Variants in PTPRM observed in about 807,000 individuals in gnomAD.
PTPRM encodes the protein protein tyrosine phosphatase receptor type M.
A neutral mutation model predicts 186.7 loss-of-function variants in PTPRM; 47 were observed. That is an observed-to-expected ratio of 0.25 (90% CI 0.20 to 0.32). The LOEUF (loss-of-function observed/expected upper bound fraction) is 0.32. Among genes scored for constraint, PTPRM ranks in the 10% least tolerant of loss-of-function variants. The pLI, the probability that PTPRM is intolerant of heterozygous loss-of-function variation, is 1.00. For synonymous variants in PTPRM, 668 were observed against 674.9 expected (o/e 0.99, Z 0.16); for missense variants, 1,494 against 1,865.0 (o/e 0.80, Z 3.66).
intron 23 of PTPRM, among the ~76,000 whole-genome samples, chr18:8,344,586 G>T (rs1409324093): frequency 6.6e-6 from 1 of 151,676 alleles, no homozygotes; most frequent in Non-Finnish European, 1.5e-5. Context: ...ACATGCATAT[G>T]CAAATATATA....
chr18:7,664,517 G>A (rs2039052614), intron 1 of PTPRM, among the ~76,000 whole-genome samples: 1 of 152,164 alleles, frequency 6.6e-6, no homozygotes, highest in African/African-American at 2.4e-5. Context: ...AAGGCCAGTG[G>A]GCTGGTGCTG....
intron 1 of PTPRM, among the ~76,000 whole-genome samples, chr18:7,731,183 A>G (rs1323164421): frequency 2.0e-5 from 3 of 152,228 alleles, no homozygotes; most frequent in African/African-American, 4.8e-5. Flanking sequence ...CTGTTTATCA[A>G]TTTAAGATTT....
chr18:7,977,590 A>AGGGTAGGCAG (rs1200934254), intron 7 of PTPRM, among the ~76,000 whole-genome samples: 1 of 152,140 alleles, frequency 6.6e-6, no homozygotes, highest in African/African-American at 2.4e-5. Flanking sequence ...TTGAGAGCAA[A>AGGGTAGGCAG]GGGTAGGCAG....
At chr18:8,080,566 G>T (rs543683341) in intron 9 of PTPRM, among the ~76,000 whole-genome samples, 1 of 152,282 alleles carries the variant, frequency 6.6e-6, no homozygotes, top group South Asian at 2.1e-4. Flanking sequence ...AAGTAGAATG[G>T]TCTAGATTTG....
chr18:8,184,178 G>T (rs966871637), intron 14 of PTPRM, among the ~76,000 whole-genome samples: 1 of 152,108 alleles, frequency 6.6e-6, no homozygotes, highest in African/African-American at 2.4e-5. Flanking sequence ...ATTCAAGCAG[G>T]CAAGTTCATG....
chr18:7,723,970 C>T (rs1389817147), intron 1 of PTPRM, among the ~76,000 whole-genome samples: 1 of 152,124 alleles, frequency 6.6e-6, no homozygotes, highest in Non-Finnish European at 1.5e-5. Context: ...TGCCTCCAGG[C>T]CCTGCTCCCA....
At chr18:7,669,608 A>G (rs2039172608) in intron 1 of PTPRM, among the ~76,000 whole-genome samples, 3 of 152,192 alleles carry the variant, frequency 2.0e-5, no homozygotes, top group Non-Finnish European at 4.4e-5. Flanking sequence ...GATAAGGCTA[A>G]AGGCAATGAG....
At chr18:7,896,167 T>C (rs1045252646) in intron 3 of PTPRM, among the ~76,000 whole-genome samples, 1 of 152,226 alleles carries the variant, frequency 6.6e-6, no homozygotes, top group African/African-American at 2.4e-5. Context: ...GGCAGGTACC[T>C]GCCATCCTCA....
intron 1 of PTPRM, among the ~76,000 whole-genome samples, chr18:7,644,769 A>C (rs1349543581): frequency 3.3e-5 from 5 of 152,214 alleles, no homozygotes; most frequent in African/African-American, 4.8e-5. Flanking sequence ...TATGCAAGAC[A>C]AATGAGTGGG....
intron 14 of PTPRM, among the ~76,000 whole-genome samples, chr18:8,162,428 C>G (rs1003379747): frequency 5.3e-5 from 8 of 152,216 alleles, no homozygotes; most frequent in African/African-American, 1.7e-4. Context: ...ATTCTGTTTA[C>G]ATGAATGGTC....
intron 2 of PTPRM, among the ~76,000 whole-genome samples, chr18:7,847,191 G>A: frequency 7.0e-6 from 1 of 143,190 alleles, no homozygotes; most frequent in East Asian, 2.1e-4. Flanking sequence ...TTTTTTGACA[G>A]AGTATCACTT....
intron 23 of PTPRM, among the ~76,000 whole-genome samples, chr18:8,344,684 C>T (rs997919997): frequency 4.0e-5 from 6 of 151,680 alleles, no homozygotes; most frequent in African/African-American, 9.7e-5. Context: ...GGGAGTGTAG[C>T]GCTTGCATGC....
chr18:8,345,232 C>CAAGG (rs1346121775), intron 23 of PTPRM, among the ~76,000 whole-genome samples: 191 of 139,216 alleles, frequency 1.4e-3, no homozygotes, highest in African/African-American at 4.5e-3. Flanking sequence ...AGAGCAAAAC[C>CAAGG]AAAGAAAAAA....
At chr18:7,589,534 T>A (rs898187928) in intron 1 of PTPRM, among the ~76,000 whole-genome samples, 4 of 152,200 alleles carry the variant, frequency 2.6e-5, no homozygotes, top group Admixed American at 2.0e-4. Context: ...CACTTGAAAG[T>A]GTGACATCCT....
intron 31 of PTPRM, among the ~76,000 whole-genome samples, chr18:8,388,023 G>A (rs1001268321): frequency 3.9e-5 from 6 of 151,930 alleles, no homozygotes; most frequent in Non-Finnish European, 7.4e-5. Flanking sequence ...CCCAGACATG[G>A]GTGTTTTTTT....
chr18:7,662,816 A>C (rs982987724), intron 1 of PTPRM, among the ~76,000 whole-genome samples: 7 of 152,180 alleles, frequency 4.6e-5, no homozygotes, highest in African/African-American at 1.7e-4. Flanking sequence ...TATCTCATGT[A>C]TCCCATAAAT....
chr18:7,700,597 G>A (rs2039938746), intron 1 of PTPRM, among the ~76,000 whole-genome samples: 1 of 152,224 alleles, frequency 6.6e-6, no homozygotes, highest in South Asian at 2.1e-4. Context: ...GAGGTAGTCT[G>A]TAGTCACACT....
At chr18:7,661,161 T>G (rs541541723) in intron 1 of PTPRM, among the ~76,000 whole-genome samples, 1 of 152,354 alleles carries the variant, frequency 6.6e-6, no homozygotes, top group African/African-American at 2.4e-5. Flanking sequence ...ACAGATTTTT[T>G]TAAAAGCTGT....
intron 2 of PTPRM, among the ~76,000 whole-genome samples, chr18:7,791,157 G>T (rs947786115): frequency 6.6e-6 from 1 of 152,030 alleles, no homozygotes; most frequent in African/African-American, 2.4e-5. Context: ...AAATGACATG[G>T]TTATTTCATA....
Sources: allele counts gnomAD v4.1 joint callset (sites outside exome capture counted in the v4.1 genomes callset), GRCh38; gene constraint gnomAD v4.1.1; transcripts MANE v1.5; gene names NCBI Gene and HGNC (gene_info 2026-07-23, HGNC 2026-07-21).